TRAPPC12: variants seen among roughly 807,000 people sequenced by gnomAD.
TRAPPC12 encodes TPR repeat protein 15.
TRAPPC12 carries 61 observed loss-of-function variants against 69.2 expected under a neutral mutation model. The ratio of observed to expected loss-of-function variants is 0.88; its 90% CI spans 0.72 to 1.09. The LOEUF (loss-of-function observed/expected upper bound fraction) is 1.09, where lower values mean the gene tolerates loss of function less well. Ranked by LOEUF, TRAPPC12 falls within the 50% of genes least tolerant of loss-of-function variation. The pLI is 0.00. For synonymous variants in TRAPPC12, 469 were observed against 438.9 expected, an observed-to-expected ratio of 1.07 and a Z score of -0.86; for missense variants, 1,101 against 1,016.4, an observed-to-expected ratio of 1.08 and a Z score of -1.13.
Position 3,424,624 on chromosome 2 carries a change from T to C in TRAPPC12, c.1378T>C (p.Tyr460His), listed in dbSNP as rs1426506814. Residue 460 changes from tyrosine (Y) to histidine (H), a missense_variant, in exon 5 of 12, where the codon TAT (tyrosine) becomes CAT (histidine). By Grantham distance (83) the Tyr-to-His change is moderately conservative. Transcript: ENST00000324266. ...PFGNLDQPDL[Y>H]YEYYPHVYPG... ...CGGAAATCTTGATCAGCCAGATCTT[T>C]ATTACGAGTACTACCCGCACGTGTA... 2 of 1,613,932 alleles carry C rather than the reference T, an allele frequency of 1.2e-6. No individual in the cohort carries two copies. Among genetic ancestry groups the C allele is most frequent in the Non-Finnish European group, 8.5e-7 (1 of 1,179,978 alleles).
At chr2:3,421,095 G>A (rs374982357) in intron 3 of TRAPPC12, among the ~76,000 whole-genome samples, 24 of 152,294 alleles carry the variant, frequency 1.6e-4, no homozygotes, top group Middle Eastern at 3.4e-3. Flanking sequence ...GACATCTACC[G>A]TATTCAAAGA....
At chr2:3,411,158 C>G (rs1470983094) in intron 3 of TRAPPC12, among the ~76,000 whole-genome samples, 1 of 152,152 alleles carries the variant, frequency 6.6e-6, no homozygotes, top group Non-Finnish European at 1.5e-5. Context: ...AAACCCAAAA[C>G]TTTGCTTATG....
In TRAPPC12 at chr2:3,388,607, C is replaced by T. The variant is rs1469713457; in HGVS notation, c.984C>T (p.Arg328=). 6.9e-6 allele frequency: 11 copies of T among 1,604,688 alleles called. No homozygotes were observed. The highest frequency in any genetic ancestry group is 4.5e-5 in the East Asian group (2 of 44,476). The part of the protein sequence containing the change: ...GVLRAVATQQ[R]GAVFVDKENL... ...TGCGGGCCGTGGCCACCCAGCAGCG[C>T]GGCGCCGTGTTCGTGGACAAGGAGA... The change falls in exon 2 of 12, where the codon CGC becomes CGT. Residue 328 remains arginine (R), a synonymous_variant. Transcript: ENST00000324266.
intron 5 of TRAPPC12, among the ~76,000 whole-genome samples, chr2:3,432,597 A>G (rs1663500531): frequency 6.6e-6 from 1 of 152,254 alleles, no homozygotes; most frequent in South Asian, 2.1e-4. Context: ...TTTCCAGGTC[A>G]CAATGCTTTG....
chr2:3,438,432 C>G (rs1572161783), intron 5 of TRAPPC12, among the ~76,000 whole-genome samples: 1 of 145,364 alleles, frequency 6.9e-6, no homozygotes, highest in South Asian at 2.3e-4. Flanking sequence ...TTAATACACC[C>G]ACTACCTCTG....
At chr2:3,462,937 G>T (rs758620531) in intron 8 of TRAPPC12, 3 of 471,136 alleles carry the variant, frequency 6.4e-6, no homozygotes, top group Admixed American at 4.7e-5. Flanking sequence ...GCTACCTTCC[G>T]TCTTGCTGAA....
chr2:3,470,983 G>C (rs1666033799), intron 9 of TRAPPC12, among the ~76,000 whole-genome samples: 1 of 152,044 alleles, frequency 6.6e-6, no homozygotes, highest in African/African-American at 2.4e-5. Context: ...TCCTCTTTGT[G>C]TTTAAAATTT....
intron 5 of TRAPPC12, among the ~76,000 whole-genome samples, chr2:3,430,134 TC>T (rs1204168273): frequency 6.6e-6 from 1 of 152,230 alleles, no homozygotes; most frequent in Admixed American, 6.5e-5. Context: ...TTCCCCACTT[TC>T]CATTATTCAT....
intron 5 of TRAPPC12, among the ~76,000 whole-genome samples, chr2:3,441,625 TTTA>T (rs1664206342): frequency 6.8e-6 from 1 of 147,858 alleles, no homozygotes; most frequent in African/African-American, 2.5e-5. Flanking sequence ...TTATTATATT[TTTA>T]TTATTTTCTT....
chr2:3,458,600 G>A, intron 7 of TRAPPC12: 1 of 276,126 alleles, frequency 3.6e-6, no homozygotes, highest in Non-Finnish European at 5.5e-6. Context: ...GTGTGCACTT[G>A]TGCACTCTCT....
At chr2:3,417,768 C>T (rs1286071933) in intron 3 of TRAPPC12, among the ~76,000 whole-genome samples, 5 of 152,094 alleles carry the variant, frequency 3.3e-5, no homozygotes, top group Non-Finnish European at 5.9e-5. Context: ...ATTGGCCGGG[C>T]GTGATGGCTC....
At position 3,414,831 on chromosome 2, in the gene TRAPPC12, G is replaced by A. The variant is rs1662279199; in HGVS notation, c.1165-7050G>A. Among the ~76,000 whole-genome samples, 1 of 152,150 alleles carries A rather than the reference G, an allele frequency of 6.6e-6. No homozygotes were observed. The highest frequency in any genetic ancestry group is 2.4e-5 in the African/African-American group (1 of 41,426). On this transcript the variant is annotated intron_variant, in intron 3 of 11. Coordinates refer to ENST00000324266, the MANE Select transcript of TRAPPC12 (RefSeq NM_016030.6). This position sits in a 1 kb window ranked among gnomAD's most constrained non-coding sequence, Gnocchi z 4.9. ...GAGTGTCCGTATTTCATAAACACACGTATGTGTGCATGTATGTATTTCTTA... is the reference window on the plus strand; with the variant it reads ...GAGTGTCCGTATTTCATAAACACACATATGTGTGCATGTATGTATTTCTTA...
chr2:3,452,335 CTA>C (rs1664894230), intron 6 of TRAPPC12, among the ~76,000 whole-genome samples: 1 of 152,200 alleles, frequency 6.6e-6, no homozygotes, highest in Admixed American at 6.5e-5. Flanking sequence ...TCAGAGGTCT[CTA>C]TGTCCCCTCC....
At chr2:3,388,897 C>A in intron 2 of TRAPPC12, 1 of 471,718 alleles carries the variant, frequency 2.1e-6, no homozygotes, top group Non-Finnish European at 3.7e-6. Flanking sequence ...GAAATAAATA[C>A]CACCAAGGCA....
intron 3 of TRAPPC12, among the ~76,000 whole-genome samples, chr2:3,420,088 T>TTA (rs1662691194): frequency 6.6e-6 from 1 of 152,220 alleles, no homozygotes; most frequent in Admixed American, 6.5e-5. Context: ...GATACCAGCT[T>TTA]TATCCATAGT....
At chr2:3,473,480 G>GT (rs557824330) in intron 9 of TRAPPC12, among the ~76,000 whole-genome samples, 1 of 152,180 alleles carries the variant, frequency 6.6e-6, no homozygotes, top group East Asian at 1.9e-4. Context: ...TTTCTGGTGG[G>GT]TTTTTTTGTC....
Position 3,428,959 on chromosome 2 carries a change from C to T in TRAPPC12, c.1417+4296C>T, listed in dbSNP as rs957483034. ...TCCTCTGTTCCTCTTCTACTGCATT[C>T]GTTGCTTCTTCCCCTCTCAGACCCT... is the stretch of plus-strand genomic sequence containing the variant. On this transcript the variant is annotated intron_variant, in intron 5 of 11. Transcript: ENST00000324266. 3.9e-4 allele frequency among the ~76,000 whole-genome samples: 60 copies of T among 152,194 alleles called. 3 individuals carry two copies. Among genetic ancestry groups the T allele is most frequent in the Non-Finnish European group, 7.3e-5 (5 of 68,044 alleles).
At chr2:3,421,772 G>A (rs1662802069) in intron 3 of TRAPPC12, 109 bp from the exon 4 acceptor site, 7 of 994,410 alleles carry the variant, frequency 7.0e-6, no homozygotes, top group Admixed American at 1.9e-5. Flanking sequence ...GCTGGCTGGC[G>A]CTGCTTCCAG....
chr2:3,456,340 G>A (rs1013044293), intron 6 of TRAPPC12: 2 of 152,166 alleles, frequency 1.3e-5, no homozygotes, highest in African/African-American at 2.4e-5. Flanking sequence ...CGTGTGGGGA[G>A]TGTTAACTGG....
Sources: allele counts gnomAD v4.1 joint callset (sites outside exome capture counted in the v4.1 genomes callset), GRCh38; gene constraint gnomAD v4.1.1; non-coding constraint Gnocchi (gnomAD v3.1); transcripts MANE v1.5; gene names NCBI Gene and HGNC (gene_info 2026-07-23, HGNC 2026-07-21).